CNTN5: variants seen among roughly 807,000 people sequenced by gnomAD.
CNTN5 encodes the protein contactin 5.
A neutral mutation model predicts 129.1 loss-of-function variants in CNTN5; 77 were observed. The ratio of observed to expected loss-of-function variants is 0.60; its 90% confidence interval spans 0.50 to 0.72. The LOEUF is 0.72. Among genes scored for constraint, CNTN5 ranks in the 30% least tolerant of loss-of-function variants. CNTN5 has a pLI of 0.00. For synonymous variants in CNTN5, 509 were observed against 465.6 expected, an observed-to-expected ratio of 1.09 and a Z score of -1.20; for missense variants, 1,478 against 1,328.8, an observed-to-expected ratio of 1.11 and a Z score of -1.75.
chr11:99,542,978 T>TCC (rs1302221631), intron 2 of CNTN5, among the ~76,000 whole-genome samples: 4 of 152,188 alleles, frequency 2.6e-5, no homozygotes, highest in African/African-American at 9.7e-5. Flanking sequence ...AGGCCATAGG[T>TCC]CCTCCTTTTC....
intron 6 of CNTN5, among the ~76,000 whole-genome samples, chr11:99,910,780 T>G (rs2135990282): frequency 6.6e-6 from 1 of 151,846 alleles, no homozygotes. Flanking sequence ...TTTTCTCTTT[T>G]CTAAACATTT....
At chr11:100,326,912 T>G (rs1565430508) in intron 21 of CNTN5, among the ~76,000 whole-genome samples, 1 of 152,080 alleles carries the variant, frequency 6.6e-6, no homozygotes, top group Non-Finnish European at 1.5e-5. Flanking sequence ...AACTCTAAAT[T>G]GAGAATGTGA....
At chr11:99,988,450 G>A (rs757401168) in intron 8 of CNTN5, among the ~76,000 whole-genome samples, 4 of 152,096 alleles carry the variant, frequency 2.6e-5, no homozygotes, top group Non-Finnish European at 4.4e-5. Flanking sequence ...AAACTCTTTG[G>A]AGGGAACATT....
intron 2 of CNTN5, among the ~76,000 whole-genome samples, chr11:99,546,509 A>G (rs1357342577): frequency 2.0e-5 from 3 of 152,188 alleles, no homozygotes; most frequent in Admixed American, 1.3e-4. Flanking sequence ...GCCTGTCAAG[A>G]TGGACACCCT....
In CNTN5 at chr11:99,844,891, A is replaced by T. The variant is rs202069039; in HGVS notation, c.317A>T (p.Asp106Val). 4.3e-6 allele frequency: 7 copies of T among 1,613,732 alleles called. No homozygotes were observed. The highest frequency in any genetic ancestry group is 5.9e-6 in the Non-Finnish European group (7 of 1,179,680). Residue 106 changes from aspartate to valine, a missense_variant, in exon 5 of 25, where the codon GAT becomes GTT. Coordinates refer to ENST00000524871, the MANE Select transcript of CNTN5 (RefSeq NM_014361.4). The part of the protein sequence containing the change: ...DYGPVFVQEP[D>V]DIIFPTDSDE... ...GGGCCAGTTTTTGTGCAAGAACCAG[A>T]TGATATTATTTTTCCAACTGATTCT...
intron 13 of CNTN5, among the ~76,000 whole-genome samples, chr11:100,089,838 T>C (rs1288417574): frequency 6.6e-6 from 1 of 151,902 alleles, no homozygotes; most frequent in East Asian, 1.9e-4. Flanking sequence ...AAGTGGGAGC[T>C]GAACATGAAA....
intron 1 of CNTN5, among the ~76,000 whole-genome samples, chr11:99,172,860 A>G (rs1861209436): frequency 6.6e-6 from 1 of 152,210 alleles, no homozygotes; most frequent in South Asian, 2.1e-4. Context: ...ATAGTAACTT[A>G]TTTGAGATTT....
At chr11:99,234,174 A>G (rs1861148871) in intron 1 of CNTN5, among the ~76,000 whole-genome samples, 2 of 152,138 alleles carry the variant, frequency 1.3e-5, no homozygotes. Flanking sequence ...ATTCTTTTTC[A>G]TGTAGATTTA....
At chr11:99,228,243 A>T (rs926788669) in intron 1 of CNTN5, among the ~76,000 whole-genome samples, 15 of 152,128 alleles carry the variant, frequency 9.9e-5, no homozygotes, top group African/African-American at 3.6e-4. Context: ...GAACTTCCTT[A>T]TCCAAAAGTT....
intron 9 of CNTN5, among the ~76,000 whole-genome samples, chr11:100,056,040 C>A (rs12226238): frequency 0.22 from 32,646 of 151,438 alleles, 4,114 homozygotes; most frequent in East Asian, 0.46. Context: ...TGGAAATATT[C>A]TCTTCAACTA....
chr11:100,002,553 T>G (rs776816520), intron 9 of CNTN5, among the ~76,000 whole-genome samples: 2 of 152,144 alleles, frequency 1.3e-5, no homozygotes, highest in Non-Finnish European at 2.9e-5. Context: ...ATCATGAGGA[T>G]AATAGTTACA....
At chr11:100,268,345 A>G (rs906602362) in intron 17 of CNTN5, among the ~76,000 whole-genome samples, 2 of 152,296 alleles carry the variant, frequency 1.3e-5, no homozygotes, top group Middle Eastern at 3.4e-3. Context: ...GTAAGTATAA[A>G]ATAAAGAATA....
At chr11:99,565,421 T>C (rs1290861263) in intron 3 of CNTN5, among the ~76,000 whole-genome samples, 1 of 152,212 alleles carries the variant, frequency 6.6e-6, no homozygotes, top group Non-Finnish European at 1.5e-5. Context: ...TGTATTCTTC[T>C]GAGGGTACAG....
chr11:99,902,059 C>CTT (rs922324573), intron 6 of CNTN5, among the ~76,000 whole-genome samples: 2 of 152,056 alleles, frequency 1.3e-5, no homozygotes, highest in Non-Finnish European at 2.9e-5. Context: ...AGAGGTCAAG[C>CTT]TTTTATACAT....
intron 13 of CNTN5, among the ~76,000 whole-genome samples, chr11:100,115,182 T>C (rs1407128654): frequency 6.6e-6 from 1 of 150,420 alleles, no homozygotes; most frequent in Non-Finnish European, 1.5e-5. Context: ...ATAAACCTGG[T>C]TGCATCTTGA....
chr11:99,057,936 GA>G (rs1040662439), intron 1 of CNTN5, among the ~76,000 whole-genome samples: 1 of 151,730 alleles, frequency 6.6e-6, no homozygotes. Flanking sequence ...GACAGTGAGG[GA>G]AAAATCCATG....
chr11:99,129,183 T>G (rs1473502012), intron 1 of CNTN5, among the ~76,000 whole-genome samples: 2 of 152,054 alleles, frequency 1.3e-5, no homozygotes, highest in Non-Finnish European at 2.9e-5. Flanking sequence ...TCTAACCCAA[T>G]GCAAAGAAAC....
rs529086237 is a variant in CNTN5, at chr11:99,365,926, A to G, written c.-71+40442A>G. On this transcript the variant is annotated intron_variant, in intron 2 of 24. Coordinates refer to ENST00000524871, the MANE Select transcript of CNTN5 (RefSeq NM_014361.4). ...TCCTTTACTTTTCTGGTGATGTGTT[A>G]TGGATGGTTTTCCTTAGAAATTATT... 9.2e-5 allele frequency among the ~76,000 whole-genome samples: 14 copies of G among 152,258 alleles called. No homozygotes were observed. The South Asian group carries it at 2.9e-3, about 32-fold the overall frequency.
chr11:99,826,120 G>A (rs1273288097), intron 4 of CNTN5, among the ~76,000 whole-genome samples: 1 of 151,924 alleles, frequency 6.6e-6, no homozygotes, highest in Non-Finnish European at 1.5e-5. Context: ...TTTTATCTGG[G>A]ATAAGTTCTT....
Sources: gnomAD v4.1 joint callset for allele counts (sites outside exome capture counted in the v4.1 genomes callset) on GRCh38, gnomAD v4.1.1 for gene constraint, MANE v1.5 for transcripts, NCBI Gene and HGNC (gene_info 2026-07-23, HGNC 2026-07-21) for gene names.